The following KRT85 variants were observed in gnomAD, a reference collection of about 807,000 sequenced individuals.
KRT85 encodes the protein keratin 85.
In KRT85, 39 loss-of-function variants were observed where a neutral mutation model predicts 53.7. The ratio of observed to expected loss-of-function variants is 0.73; its 90% CI spans 0.56 to 0.95. KRT85 has a LOEUF of 0.95. KRT85 is among the 40% of genes least tolerant of loss of function. The pLI, the probability that KRT85 is intolerant of heterozygous loss-of-function variation, is 0.00. For missense variants in KRT85, 668 were observed against 686.0 expected, an observed-to-expected ratio of 0.97 and a Z score of 0.29; for synonymous variants, 291 against 277.5, an observed-to-expected ratio of 1.05 and a Z score of -0.48.
chr12:52,364,411 T>G, intron 2 of KRT85, 45 bp from the exon 3 acceptor site: 1 of 1,614,124 alleles, frequency 6.2e-7, no homozygotes, highest in Non-Finnish European at 8.5e-7. Flanking sequence ...AACTGGACCT[T>G]GAATACCATC....
intron 7 of KRT85, 100 bp downstream of exon 7, chr12:52,362,151 C>A (rs1167515771): frequency 4.9e-6 from 7 of 1,441,126 alleles, no homozygotes; most frequent in Non-Finnish European, 5.8e-6. Context: ...ATTGTATTAG[C>A]CATGGCCAGA....
intron 2 of KRT85, chr12:52,364,705 G>A (rs1939246196): frequency 6.3e-6 from 9 of 1,423,362 alleles, no homozygotes; most frequent in Admixed American, 2.7e-5. Context: ...TGAAGGACAG[G>A]GACATAGAGA....
chr12:52,362,114 GTTATTA>G, intron 7 of KRT85, 131 bp downstream of exon 7: 3 of 1,087,068 alleles, frequency 2.8e-6, no homozygotes, highest in East Asian at 2.6e-5. Context: ...GAAGCATTCA[GTTATTA>G]TTATTATTAT....
At chr12:52,361,627 CA>C (rs923080320) in intron 7 of KRT85, 129 bp from the exon 8 acceptor site, 2 of 819,036 alleles carry the variant, frequency 2.4e-6, no homozygotes, top group Non-Finnish European at 4.3e-6. Flanking sequence ...AGGGCTCCCT[CA>C]AATCTGCATT....
intron 2 of KRT85, 21 bp downstream of exon 2, chr12:52,364,941 C>G (rs113922420): frequency 0.024 from 38,517 of 1,612,236 alleles, 589 homozygotes; most frequent in Middle Eastern, 0.034. Context: ...CCCCTGAGTC[C>G]CCCCAGCTTG....
intron 2 of KRT85, chr12:52,364,678 G>A: frequency 7.0e-7 from 1 of 1,436,130 alleles, no homozygotes; most frequent in Non-Finnish European, 9.1e-7. Flanking sequence ...CAGAGCCCAT[G>A]TCATAAAGGT....
chr12:52,364,638 A>G (rs1231094147), intron 2 of KRT85: 7 of 1,438,406 alleles, frequency 4.9e-6, no homozygotes, highest in Non-Finnish European at 6.3e-6. Context: ...CTAGGTCCCA[A>G]GAGAGCTGGT....
rs1157625555 is a variant in KRT85, at chr12:52,360,504, A to G, written c.*349T>C. ...GATGGTTAGGATGGCGCCTCCACCCAGAAGGTGGAGCTTCCGTGCTGACCA... is the reference window on the plus strand; with the variant it reads ...GATGGTTAGGATGGCGCCTCCACCCGGAAGGTGGAGCTTCCGTGCTGACCA... On this transcript the variant is annotated 3_prime_UTR_variant, in exon 9 of 9. Coordinates refer to ENST00000257901, the MANE Select transcript of KRT85 (RefSeq NM_002283.4). 1.3e-5 allele frequency: 4 copies of G among 315,542 alleles called. No individual in the cohort carries two copies. The highest frequency in any genetic ancestry group is 1.8e-5 in the Non-Finnish European group (3 of 165,912). 19.5% of individuals were successfully genotyped at this position (315,542 alleles called of 1,614,324 possible). A position where few individuals can be genotyped will look rare whatever the true frequency, so the allele number is the denominator to read the frequency against.
chr12:52,366,892 A>T, intron 1 of KRT85, 94 bp downstream of exon 1: 1 of 1,604,638 alleles, frequency 6.2e-7, no homozygotes, highest in Non-Finnish European at 8.5e-7. Flanking sequence ...TGCTGCCTCA[A>T]ACCGGCAGCC....
At chr12:52,363,981 G>T in intron 4 of KRT85, 87 bp downstream of exon 4, 2 of 998,746 alleles carry the variant, frequency 2.0e-6, no homozygotes, top group South Asian at 1.3e-5. Flanking sequence ...GCAAACATAG[G>T]CACACACATG....
chr12:52,367,072 T>C lies in KRT85; in HGVS notation c.334A>G (p.Ile112Val). 1 of 1,613,530 alleles carries C rather than the reference T, an allele frequency of 6.2e-7. No individual in the cohort carries two copies. The highest frequency in any genetic ancestry group is 8.5e-7 in the Non-Finnish European group (1 of 1,179,876). ...ESLLTPLNLE[I>V]DPNAQCVKQE... Reference sequence around the variant, plus strand: ...TTCACGCACTGTGCGTTGGGGTCGATCTCCAGGTTGAGGGGCGTGAGGAGG... The same window carrying C: ...TTCACGCACTGTGCGTTGGGGTCGACCTCCAGGTTGAGGGGCGTGAGGAGG... Residue 112 changes from isoleucine to valine, a missense_variant, in exon 1 of 9, where the codon ATC becomes GTC. Ile to Val is a conservative substitution (Grantham distance 29). Around this residue, in one of 3 missense-constraint regions of KRT85, gnomAD observed 22 missense variants for 46.0 expected, o/e 0.48. Transcript: ENST00000257901.
At position 52,367,165 on chromosome 12, in the gene KRT85, CG is replaced by C; in HGVS notation, c.240del (p.Phe80LeufsTer40). On this transcript the variant is annotated frameshift_variant, in exon 1 of 9. Coordinates refer to ENST00000257901, the MANE Select transcript of KRT85 (RefSeq NM_002283.4). LOFTEE classifies it high-confidence loss of function. ...GFRAGSCGRS[F>X]GYRSGGVCGP... ...CCGCACACGCCCCCGGAGCGGTAGC[CG>C]AAGCTGCGTCCGCAGGAGCCGGCTC... is the stretch of plus-strand genomic sequence containing the variant. The C allele has an allele frequency of 6.2e-7, 1 of 1,613,686 alleles. No homozygotes were observed. Among genetic ancestry groups the C allele is most frequent in the Non-Finnish European group, 8.5e-7 (1 of 1,180,034 alleles).
At chr12:52,365,576 T>C (rs1373497769) in intron 1 of KRT85, among the ~76,000 whole-genome samples, 3 of 152,258 alleles carry the variant, frequency 2.0e-5, no homozygotes, top group African/African-American at 7.2e-5. Context: ...TAATTACCAG[T>C]TGCCCTTCAC....
At chr12:52,364,779 G>T in intron 2 of KRT85, 183 bp downstream of exon 2, 1 of 1,375,002 alleles carries the variant, frequency 7.3e-7, no homozygotes, top group Non-Finnish European at 9.9e-7. Flanking sequence ...GGCTCACAGG[G>T]GTGGAGTCTT....
Position 52,364,160 on chromosome 12 carries a change from C to G in KRT85, c.694G>C (p.Val232Leu), listed in dbSNP as rs764225566. The G allele has an allele frequency of 6.2e-7, 1 of 1,614,024 alleles. No individual in the cohort carries two copies. Among genetic ancestry groups the G allele is most frequent in the Non-Finnish European group, 8.5e-7 (1 of 1,179,990 alleles). ...GATTTCCGCAGGTAGGCACAGTCCA[C>G]GTCCTGGCCGTGGGACAAAGAGGAG... is the stretch of plus-strand genomic sequence containing the variant. Reference protein sequence around the residue: ...ENEFVVLKKDVDCAYLRKSDL... With the variant: ...ENEFVVLKKDLDCAYLRKSDL... The change falls in exon 4 of 9, where the codon GTG (valine) becomes CTG (leucine). Residue 232 changes from valine to leucine, a missense_variant. Around this residue, in one of 3 missense-constraint regions of KRT85, gnomAD observed 488 missense variants for 498.1 expected, o/e 0.98. Transcript: ENST00000257901.
intron 1 of KRT85, 33 bp from the exon 2 acceptor site, chr12:52,365,203 G>A (rs771918735): frequency 6.2e-7 from 1 of 1,611,036 alleles, no homozygotes; most frequent in Non-Finnish European, 8.5e-7. Flanking sequence ...AAGTCAGAGG[G>A]AGCCTGGGGG....
At chr12:52,361,188 C>T in intron 8 of KRT85, 142 bp from the exon 9 acceptor site, 1 of 838,442 alleles carries the variant, frequency 1.2e-6, no homozygotes, top group Non-Finnish European at 2.0e-6. Flanking sequence ...CTGAGATGCA[C>T]AGCCCATCTA....
At chr12:52,364,010 C>A (rs1481390521) in intron 4 of KRT85, 58 bp downstream of exon 4, 2 of 1,320,812 alleles carry the variant, frequency 1.5e-6, no homozygotes, top group South Asian at 1.2e-5. Context: ...CCTCACTGCT[C>A]CCCTGTCTCC....
chr12:52,364,292 G>T lies in KRT85; in HGVS notation c.690+14C>A. 1 of 1,614,090 alleles carries T rather than the reference G, an allele frequency of 6.2e-7. No individual in the cohort carries two copies. Among genetic ancestry groups the T allele is most frequent in the South Asian group, 1.1e-5 (1 of 91,030 alleles). On this transcript the variant is annotated intron_variant, in intron 3 of 8. Transcript: ENST00000257901. ...ATGGGCCCCCTCCTCCTTGCCCCAT[G>T]ACCAGCCCCTCACCTTCTTTAGAAC...
Sources: allele counts gnomAD v4.1 joint callset (sites outside exome capture counted in the v4.1 genomes callset), GRCh38; gene constraint gnomAD v4.1.1; regional missense constraint gnomAD v4.1.1; transcripts MANE v1.5; gene names NCBI Gene and HGNC (gene_info 2026-07-23, HGNC 2026-07-21).